Variants in MIPEP observed in about 807,000 individuals in gnomAD.
The protein encoded by MIPEP is mitochondrial intermediate peptidase.
A neutral mutation model predicts 90.3 loss-of-function variants in MIPEP; 79 were observed. The ratio of observed to expected loss-of-function variants is 0.87; its 90% CI spans 0.73 to 1.05. The LOEUF is 1.05. Ranked by LOEUF, MIPEP falls within the 50% of genes least tolerant of loss-of-function variation. MIPEP has a pLI of 0.00. For missense variants in MIPEP, 940 were observed against 905.6 expected (o/e 1.04, Z -0.49); for synonymous variants, 334 against 315.8 (o/e 1.06, Z -0.61).
intron 11 of MIPEP, 50 bp downstream of exon 11, chr13:23,841,285 C>A: frequency 6.5e-7 from 1 of 1,545,804 alleles, no homozygotes; most frequent in East Asian, 2.3e-5. Flanking sequence ...CTCAACTGCC[C>A]AACCGAAAGG....
At chr13:23,776,874 G>A (rs558223810) in intron 16 of MIPEP, among the ~76,000 whole-genome samples, 41 of 151,820 alleles carry the variant, frequency 2.7e-4, no homozygotes, top group African/African-American at 9.7e-4. Flanking sequence ...AGCACAGAGG[G>A]TAACTTTAGA....
At chr13:23,820,882 G>C (rs924727370) in intron 14 of MIPEP, among the ~76,000 whole-genome samples, 1 of 152,224 alleles carries the variant, frequency 6.6e-6, no homozygotes, top group Admixed American at 6.5e-5. Flanking sequence ...AGAAGGTGCT[G>C]TATGTTCTGG....
intron 18 of MIPEP, among the ~76,000 whole-genome samples, chr13:23,749,468 TGTCA>T (rs1476879437): frequency 3.3e-5 from 5 of 152,236 alleles, no homozygotes; most frequent in African/African-American, 1.2e-4. Flanking sequence ...CGTGTCATCC[TGTCA>T]GTCAGAGCTG....
intron 16 of MIPEP, among the ~76,000 whole-genome samples, chr13:23,767,518 C>G (rs1007696586): frequency 6.6e-6 from 1 of 151,106 alleles, no homozygotes; most frequent in Non-Finnish European, 1.5e-5. Context: ...GTGGCACGAT[C>G]TCGGCTCACT....
chr13:23,858,584 G>C (rs1219685392), intron 10 of MIPEP, among the ~76,000 whole-genome samples: 1 of 152,070 alleles, frequency 6.6e-6, no homozygotes, highest in Non-Finnish European at 1.5e-5. Context: ...CCAGCAATGG[G>C]ATACAACAAG....
rs79363712 is a variant in MIPEP at position 23,883,869 on chromosome 13, T to G, written c.364-2082A>C. ...CTTCCCCATCATTCAAAGACACATT[T>G]CCTATGCACATACTGGAGGCACAGA... On this transcript the variant is annotated intron_variant, in intron 2 of 18. Coordinates refer to ENST00000382172, the MANE Select transcript of MIPEP (RefSeq NM_005932.4). Among the ~76,000 whole-genome samples, 266 of 152,168 alleles carry G rather than the reference T, an allele frequency of 1.7e-3. 2 individuals carry two copies. The East Asian group carries it at 0.03, about 17-fold the overall frequency.
intron 18 of MIPEP, among the ~76,000 whole-genome samples, chr13:23,747,819 C>A (rs1392217645): frequency 6.6e-6 from 1 of 152,240 alleles, no homozygotes; most frequent in East Asian, 1.9e-4. Context: ...CGGCTCACCA[C>A]AACCTCTGCC....
intron 13 of MIPEP, among the ~76,000 whole-genome samples, chr13:23,836,978 C>T (rs1179442112): frequency 6.6e-6 from 1 of 152,120 alleles, no homozygotes; most frequent in Non-Finnish European, 1.5e-5. Context: ...CACTAGTGGT[C>T]TAATGCTGAC....
chr13:23,769,666 A>T (rs1346190471), intron 16 of MIPEP, among the ~76,000 whole-genome samples: 1 of 152,128 alleles, frequency 6.6e-6, no homozygotes, highest in African/African-American at 2.4e-5. Context: ...TGCCGTGGGG[A>T]ATCAGGCAGC....
At chr13:23,750,075 CTTT>C (rs59478276) in intron 18 of MIPEP, among the ~76,000 whole-genome samples, 21,022 of 151,998 alleles carry the variant, frequency 0.14, 1,774 homozygotes, top group South Asian at 0.23. Context: ...CAAGGAGGTT[CTTT>C]GTTTTTAATT....
At chr13:23,830,809 A>G (rs1179540035) in intron 14 of MIPEP, among the ~76,000 whole-genome samples, 1 of 152,192 alleles carries the variant, frequency 6.6e-6, no homozygotes, top group Non-Finnish European at 1.5e-5. Context: ...CAATTTTACA[A>G]ATAAGCAGCA....
intron 18 of MIPEP, among the ~76,000 whole-genome samples, chr13:23,749,035 G>A (rs1330385988): frequency 6.6e-6 from 1 of 152,232 alleles, no homozygotes; most frequent in Non-Finnish European, 1.5e-5. Context: ...AATATTTAGA[G>A]ATTGATCAGA....
At chr13:23,755,022 C>T (rs9553050) in intron 18 of MIPEP, among the ~76,000 whole-genome samples, 26,581 of 152,098 alleles carry the variant, frequency 0.17, 2,753 homozygotes, top group Non-Finnish European at 0.23. Context: ...GCCTAACCTG[C>T]TTATTGTCTA....
At chr13:23,770,888 G>C (rs1235199239) in intron 16 of MIPEP, among the ~76,000 whole-genome samples, 1 of 152,198 alleles carries the variant, frequency 6.6e-6, no homozygotes, top group Non-Finnish European at 1.5e-5. Context: ...GGCAGCGAGG[G>C]CCTGCCCTGT....
chr13:23,868,514 G>A (rs1028349515), intron 7 of MIPEP, among the ~76,000 whole-genome samples: 4 of 152,040 alleles, frequency 2.6e-5, no homozygotes, highest in South Asian at 2.1e-4. Flanking sequence ...CCCCTCTGTC[G>A]GTGAGTGGAA....
At chr13:23,773,499 G>C (rs1952676979) in intron 16 of MIPEP, among the ~76,000 whole-genome samples, 1 of 152,098 alleles carries the variant, frequency 6.6e-6, no homozygotes, top group Non-Finnish European at 1.5e-5. Flanking sequence ...GAACTGCTGG[G>C]CCATCTGGTA....
intron 15 of MIPEP, among the ~76,000 whole-genome samples, chr13:23,809,273 C>T (rs961822358): frequency 2.0e-5 from 3 of 151,982 alleles, no homozygotes; most frequent in Non-Finnish European, 4.4e-5. Context: ...CTTAATTTAG[C>T]TGGCAAAATG....
At chr13:23,760,549 G>A (rs746709817) in intron 16 of MIPEP, 2 of 554,274 alleles carry the variant, frequency 3.6e-6, no homozygotes, top group Non-Finnish European at 3.6e-6. Flanking sequence ...CTTGGAAGAG[G>A]AGGAAAGGTG....
At chr13:23,758,064 G>A (rs1399992974) in intron 17 of MIPEP, among the ~76,000 whole-genome samples, 1 of 152,124 alleles carries the variant, frequency 6.6e-6, no homozygotes, top group Non-Finnish European at 1.5e-5. Context: ...TCAAACACTA[G>A]CCCTGGTCAC....
Sources: allele counts gnomAD v4.1 joint callset (sites outside exome capture counted in the v4.1 genomes callset), GRCh38; gene constraint gnomAD v4.1.1; transcripts MANE v1.5; gene names NCBI Gene and HGNC (gene_info 2026-07-23, HGNC 2026-07-21).